PCDH9: variants seen among roughly 807,000 people sequenced by gnomAD.
PCDH9 encodes the protein protocadherin 9, also known as protocadherin-9.
Under a neutral mutation model 70.6 loss-of-function variants are expected in PCDH9, and 24 were observed. The ratio of observed to expected loss-of-function variants is 0.34; its 90% CI spans 0.25 to 0.48. PCDH9 has a LOEUF of 0.48. Among genes scored for constraint, PCDH9 ranks in the 20% least tolerant of loss-of-function variants. The pLI is 0.99. For synonymous variants in PCDH9, 562 were observed against 558.5 expected (o/e 1.01, Z -0.09); for missense variants, 1,281 against 1,503.6 (o/e 0.85, Z 2.45).
intron 4 of PCDH9, among the ~76,000 whole-genome samples, chr13:66,544,533 T>C (rs955676877): frequency 1.3e-5 from 2 of 152,192 alleles, no homozygotes; most frequent in African/African-American, 4.8e-5. Flanking sequence ...GAATCTTTTA[T>C]TGAATGATAT....
chr13:66,874,713 G>A (rs975734162), intron 3 of PCDH9, among the ~76,000 whole-genome samples: 5 of 152,128 alleles, frequency 3.3e-5, no homozygotes, highest in South Asian at 4.1e-4. Context: ...ATTATTTTGG[G>A]CCTGAAACAG....
At chr13:66,918,416 T>C (rs1312525064) in intron 2 of PCDH9, among the ~76,000 whole-genome samples, 3 of 151,366 alleles carry the variant, frequency 2.0e-5, no homozygotes, top group African/African-American at 7.3e-5. Context: ...ACTTTTATAA[T>C]TGTAACATTA....
intron 3 of PCDH9, among the ~76,000 whole-genome samples, chr13:66,895,801 G>A (rs549091724): frequency 6.6e-6 from 1 of 152,238 alleles, no homozygotes; most frequent in South Asian, 2.1e-4. Flanking sequence ...CATTTTCGTT[G>A]TTTTGTTATA....
chr13:66,678,444 T>C (rs1854092103), intron 3 of PCDH9, among the ~76,000 whole-genome samples: 1 of 152,152 alleles, frequency 6.6e-6, no homozygotes, highest in Non-Finnish European at 1.5e-5. Context: ...TTAAAATGCA[T>C]GAAGCAAAAT....
chr13:67,009,086 C>G (rs1187078381), intron 2 of PCDH9, among the ~76,000 whole-genome samples: 2 of 152,022 alleles, frequency 1.3e-5, no homozygotes, highest in African/African-American at 4.8e-5. Flanking sequence ...CAGAGCCTAA[C>G]CTTCTACACA....
chr13:66,618,288 C>G (rs528220765), intron 4 of PCDH9, among the ~76,000 whole-genome samples: 2 of 152,190 alleles, frequency 1.3e-5, no homozygotes, highest in African/African-American at 4.8e-5. Context: ...CATTCTGTAT[C>G]TCATCTGGCA....
chr13:66,644,940 T>C (rs1218112545), intron 3 of PCDH9, among the ~76,000 whole-genome samples: 1 of 152,106 alleles, frequency 6.6e-6, no homozygotes, highest in Non-Finnish European at 1.5e-5. Context: ...ATCTAGTTCA[T>C]GTCCTGGTCT....
chr13:66,637,127 T>C lies in PCDH9; in HGVS notation c.3139-5716A>G, dbSNP rs111362354. On this transcript the variant is annotated intron_variant, in intron 3 of 4. Coordinates refer to ENST00000377865, the MANE Select transcript of PCDH9 (RefSeq NM_203487.3). ...GTCTATGGTAAGTTCCTCAATACGG[T>C]CTTACCATCTTAAATCAATGCATGC... Among the ~76,000 whole-genome samples, 18 of 152,266 alleles carry C rather than the reference T, an allele frequency of 1.2e-4. No homozygotes were observed. The East Asian group carries it at 2.7e-3, about 23-fold the overall frequency.
intron 2 of PCDH9, among the ~76,000 whole-genome samples, chr13:66,974,635 ATTGT>A (rs1345424299): frequency 1.3e-5 from 2 of 151,980 alleles, no homozygotes; most frequent in African/African-American, 4.8e-5. Context: ...TTATTGGCAA[ATTGT>A]TTGTGACCTA....
At chr13:66,975,532 C>A (rs772603125) in intron 2 of PCDH9, among the ~76,000 whole-genome samples, 2 of 151,954 alleles carry the variant, frequency 1.3e-5, no homozygotes, top group Non-Finnish European at 1.5e-5. Flanking sequence ...GTGCACCCAG[C>A]TAGTGAAATG....
intron 3 of PCDH9, among the ~76,000 whole-genome samples, chr13:66,857,336 T>C (rs1297358078): frequency 1.3e-5 from 2 of 152,156 alleles, no homozygotes; most frequent in Non-Finnish European, 2.9e-5. Context: ...ATTCCATTGG[T>C]ACATTTGGTT....
intron 4 of PCDH9, among the ~76,000 whole-genome samples, chr13:66,438,578 C>T (rs1410648833): frequency 1.3e-5 from 2 of 152,186 alleles, no homozygotes; most frequent in Admixed American, 6.5e-5. Context: ...ATTTTCTGTT[C>T]TCCCTTGTCG....
chr13:66,769,095 C>G (rs2079763251), intron 3 of PCDH9, among the ~76,000 whole-genome samples: 1 of 152,048 alleles, frequency 6.6e-6, no homozygotes, highest in Non-Finnish European at 1.5e-5. Flanking sequence ...TACTCAGACA[C>G]TGACTCTGGT....
intron 4 of PCDH9, among the ~76,000 whole-genome samples, chr13:66,428,413 A>C (rs1957711469): frequency 6.6e-6 from 1 of 151,756 alleles, no homozygotes; most frequent in Non-Finnish European, 1.5e-5. Flanking sequence ...CACTGGAACT[A>C]GATGAAGGTC....
intron 2 of PCDH9, among the ~76,000 whole-genome samples, chr13:67,027,194 A>G (rs1227627360): frequency 6.6e-6 from 1 of 152,146 alleles, no homozygotes; most frequent in Non-Finnish European, 1.5e-5. Context: ...CCAAAACAGC[A>G]TGGTACTGGT....
intron 3 of PCDH9, among the ~76,000 whole-genome samples, chr13:66,869,794 C>T (rs1037448892): frequency 1.3e-5 from 2 of 152,108 alleles, no homozygotes; most frequent in Non-Finnish European, 2.9e-5. Context: ...CTCCCTGTCA[C>T]CCTTTTCTTA....
Position 67,085,977 on chromosome 13 carries a change from C to A in PCDH9, c.3036+139428G>T, listed in dbSNP as rs1162302318. Among the ~76,000 whole-genome samples the A allele has an allele frequency of 2.6e-5, 4 of 152,184 alleles. No individual in the cohort carries two copies. The East Asian group carries it at 7.7e-4, about 29-fold the overall frequency. ...GGACGCCTCAGACAATCCTGTGAAACTAAGCTTTATATAGCCTATAGTTTT... is the reference window on the plus strand; with the variant it reads ...GGACGCCTCAGACAATCCTGTGAAAATAAGCTTTATATAGCCTATAGTTTT... On this transcript the variant is annotated intron_variant, in intron 2 of 4. Coordinates refer to ENST00000377865, the MANE Select transcript of PCDH9 (RefSeq NM_203487.3).
At chr13:66,802,806 C>T (rs980540878) in intron 3 of PCDH9, among the ~76,000 whole-genome samples, 1 of 151,582 alleles carries the variant, frequency 6.6e-6, no homozygotes, top group African/African-American at 2.4e-5. Flanking sequence ...TATTATTTTC[C>T]CAATTATTTC....
intron 4 of PCDH9, among the ~76,000 whole-genome samples, chr13:66,569,313 C>T (rs1375753470): frequency 6.6e-6 from 1 of 151,954 alleles, no homozygotes; most frequent in African/African-American, 2.4e-5. Context: ...CCACTACACC[C>T]AGCCAAAAGT....
Sources: allele counts gnomAD v4.1 joint callset (sites outside exome capture counted in the v4.1 genomes callset), GRCh38; gene constraint gnomAD v4.1.1; transcripts MANE v1.5; gene names NCBI Gene and HGNC (gene_info 2026-07-23, HGNC 2026-07-21).